WASF3: variants seen among roughly 807,000 people sequenced by gnomAD.
WASF3 encodes WASP family member 3.
Under a neutral mutation model 46.6 loss-of-function variants are expected in WASF3, and 11 were observed. That is an observed-to-expected ratio of 0.24 (90% CI 0.15 to 0.39). The LOEUF (loss-of-function observed/expected upper bound fraction) is 0.39. Among genes scored for constraint, WASF3 ranks in the 10% least tolerant of loss-of-function variants. The probability of loss-of-function intolerance (pLI) is 1.00; values close to 1 mark genes in which losing one functional copy is unlikely to be tolerated. For missense variants in WASF3, 576 were observed against 669.8 expected (o/e 0.86, Z 1.55); for synonymous variants, 242 against 259.7 (o/e 0.93, Z 0.65).
intron 1 of WASF3, among the ~76,000 whole-genome samples, chr13:26,589,076 G>A (rs931642700): frequency 2.6e-5 from 4 of 152,164 alleles, no homozygotes; most frequent in African/African-American, 9.6e-5. Flanking sequence ...TTATAGGCAC[G>A]AGCTACTGTG....
At chr13:26,547,118 T>C in the WASF3 span, among the ~76,000 whole-genome samples, 1 of 152,038 alleles carries the variant, frequency 6.6e-6, no homozygotes, top group African/African-American at 2.4e-5. Context: ...TTCCCCTGAG[T>C]TGGCAGCTAG....
intron 1 of WASF3, among the ~76,000 whole-genome samples, chr13:26,580,531 T>A (rs1353004553): frequency 6.6e-6 from 1 of 152,192 alleles, no homozygotes; most frequent in African/African-American, 2.4e-5. Context: ...CATATGTTAT[T>A]TTTTGTTGCT....
rs763259345 is a variant in WASF3 at position 26,676,699 on chromosome 13, G to GCCCT, written c.691_692insCCCT (p.Glu231AlafsTer10). On this transcript the variant is annotated frameshift_variant, in exon 7 of 10. Transcript: ENST00000335327. LOFTEE classifies it high-confidence loss of function. ...GAGTGTGTACCATGGAGCGTCTTCC[G>GCCCT]AGGGATCCCTGTCCCCAGATACTAG... 1 of 1,614,066 alleles carries GCCCT rather than the reference G, an allele frequency of 6.2e-7. No homozygotes were observed. Among genetic ancestry groups the GCCCT allele is most frequent in the Non-Finnish European group, 8.5e-7 (1 of 1,179,992 alleles).
intron 3 of WASF3, among the ~76,000 whole-genome samples, chr13:26,644,734 G>T (rs374904099): frequency 2.6e-5 from 4 of 152,150 alleles, no homozygotes; most frequent in Non-Finnish European, 5.9e-5. Context: ...TGAAAAAGCC[G>T]TAATGACCAC....
the WASF3 span, among the ~76,000 whole-genome samples, chr13:26,551,523 A>G: frequency 1.3e-5 from 2 of 152,206 alleles, no homozygotes; most frequent in Non-Finnish European, 2.9e-5. Context: ...ATGAATAAGA[A>G]CTAGTCTCTG....
chr13:26,540,952 C>T, the WASF3 span, among the ~76,000 whole-genome samples: 3 of 152,036 alleles, frequency 2.0e-5, no homozygotes, highest in African/African-American at 7.2e-5. Context: ...CAAGTATATA[C>T]GCGCGCAAAA....
chr13:26,664,808 G>A (rs1882723848), intron 3 of WASF3, among the ~76,000 whole-genome samples: 1 of 152,214 alleles, frequency 6.6e-6, no homozygotes. Context: ...TACTGTCTGG[G>A]ATATTTTAAA....
chr13:26,685,689 A>C lies in WASF3; in HGVS notation c.1353A>C (p.Gly451=). 1 of 1,614,068 alleles carries C rather than the reference A, an allele frequency of 6.2e-7. No individual in the cohort carries two copies. The highest frequency in any genetic ancestry group is 1.1e-5 in the South Asian group (1 of 91,078). ...RSDLLAAIRM[G]IQLKKVQEQR... ...CTGAACCACGTGTTGTGTCTGCAGG[A>C]ATTCAACTGAAAAAGGTGCAGGAGC... The change falls in exon 10 of 10, where the codon GGA becomes GGC. Residue 451 remains glycine (G), a splice_region_variant and synonymous_variant. Coordinates refer to ENST00000335327, the MANE Select transcript of WASF3 (RefSeq NM_006646.6).
chr13:26,594,921 C>T (rs970458064), intron 1 of WASF3, among the ~76,000 whole-genome samples: 1 of 152,210 alleles, frequency 6.6e-6, no homozygotes, highest in Non-Finnish European at 1.5e-5. Flanking sequence ...CATTCATCTT[C>T]AGATTCAGCT....
chr13:26,625,462 C>T (rs1368237056), intron 2 of WASF3, among the ~76,000 whole-genome samples: 1 of 152,102 alleles, frequency 6.6e-6, no homozygotes, highest in Non-Finnish European at 1.5e-5. Flanking sequence ...CAGGTGTAAG[C>T]TTTGGAGTCT....
chr13:26,609,325 T>A (rs756307847), intron 1 of WASF3: 32 of 152,218 alleles, frequency 2.1e-4, no homozygotes, highest in Non-Finnish European at 3.7e-4. Flanking sequence ...ATTTCTCTCA[T>A]CAGACTACAG....
At chr13:26,623,345 T>C (rs1390767842) in intron 2 of WASF3, among the ~76,000 whole-genome samples, 1 of 152,190 alleles carries the variant, frequency 6.6e-6, no homozygotes, top group African/African-American at 2.4e-5. Flanking sequence ...AACACCTGCT[T>C]CCCCACAGCC....
chr13:26,644,864 G>A (rs771591342), intron 3 of WASF3, among the ~76,000 whole-genome samples: 2 of 152,128 alleles, frequency 1.3e-5, no homozygotes, highest in African/African-American at 4.8e-5. Context: ...AGACCGCAAG[G>A]CCCACAAGGT....
chr13:26,678,922 C>T (rs998129366), intron 7 of WASF3, among the ~76,000 whole-genome samples: 1 of 152,210 alleles, frequency 6.6e-6, no homozygotes, highest in Non-Finnish European at 1.5e-5. Context: ...CCTACTTCCT[C>T]CCGTGTGGTG....
At chr13:26,600,833 A>G (rs1273606903) in intron 1 of WASF3, among the ~76,000 whole-genome samples, 1 of 152,206 alleles carries the variant, frequency 6.6e-6, no homozygotes, top group African/African-American at 2.4e-5. Flanking sequence ...TCTCTTCCCT[A>G]CACACCCTCT....
At chr13:26,616,733 T>G (rs1408552565) in intron 2 of WASF3, among the ~76,000 whole-genome samples, 1 of 152,162 alleles carries the variant, frequency 6.6e-6, no homozygotes, top group Non-Finnish European at 1.5e-5. Context: ...CATGAGTCAA[T>G]AGCTGTGCAG....
At chr13:26,612,157 A>G (rs1468080785) in intron 1 of WASF3, among the ~76,000 whole-genome samples, 2 of 152,170 alleles carry the variant, frequency 1.3e-5, no homozygotes, top group African/African-American at 4.8e-5. Flanking sequence ...CACAAGACTG[A>G]GTACCTTCAC....
chr13:26,636,607 C>A (rs191883249), intron 2 of WASF3, among the ~76,000 whole-genome samples: 1 of 152,244 alleles, frequency 6.6e-6, no homozygotes, highest in Admixed American at 6.5e-5. Flanking sequence ...ATGCTGGGAG[C>A]TGCACTGCAG....
intron 3 of WASF3, among the ~76,000 whole-genome samples, chr13:26,661,580 G>A (rs1882631987): frequency 6.6e-6 from 1 of 152,160 alleles, no homozygotes; most frequent in Admixed American, 6.5e-5. Context: ...TGTGAACATA[G>A]GTATGCAAAT....
Sources: gnomAD v4.1 joint callset for allele counts (sites outside exome capture counted in the v4.1 genomes callset) on GRCh38, gnomAD v4.1.1 for gene constraint, MANE v1.5 for transcripts, NCBI Gene and HGNC (gene_info 2026-07-23, HGNC 2026-07-21) for gene names.